The following WDR7 variants were observed in gnomAD, a reference collection of about 807,000 sequenced individuals.
WDR7 encodes WD repeat-containing protein 7.
In WDR7, 46 loss-of-function variants were observed where a neutral mutation model predicts 169.4. The observed-to-expected ratio is 0.27, with a 90% confidence interval of 0.21 to 0.35. The LOEUF is 0.35. WDR7 is among the 10% of genes least tolerant of loss of function. The pLI, the probability that WDR7 is intolerant of heterozygous loss-of-function variation, is 1.00. For missense variants in WDR7, 1,534 were observed against 1,859.3 expected (o/e 0.83, Z 3.22); for synonymous variants, 612 against 666.8 (o/e 0.92, Z 1.27).
At chr18:56,978,676 C>G (rs1003675441) in intron 26 of WDR7, among the ~76,000 whole-genome samples, 5 of 152,208 alleles carry the variant, frequency 3.3e-5, no homozygotes, top group African/African-American at 1.2e-4. Context: ...TGTAAATTCA[C>G]TGGGCATTGC....
chr18:56,797,824 A>T (rs1309359862), intron 19 of WDR7, among the ~76,000 whole-genome samples: 1 of 152,230 alleles, frequency 6.6e-6, no homozygotes, highest in Non-Finnish European at 1.5e-5. Flanking sequence ...TTGCACATAC[A>T]TGGAGCACAG....
intron 21 of WDR7, among the ~76,000 whole-genome samples, chr18:56,901,275 T>A (rs947745044): frequency 6.6e-6 from 1 of 152,190 alleles, no homozygotes; most frequent in Non-Finnish European, 1.5e-5. Flanking sequence ...TCTCTATAAA[T>A]AGTTATTATA....
intron 26 of WDR7, among the ~76,000 whole-genome samples, chr18:56,978,098 G>C (rs1341557475): frequency 1.3e-5 from 2 of 152,192 alleles, no homozygotes; most frequent in African/African-American, 4.8e-5. Context: ...ACAGCAGTTT[G>C]TCATTCATTG....
intron 17 of WDR7, among the ~76,000 whole-genome samples, chr18:56,778,385 G>T (rs1451871712): frequency 6.6e-6 from 1 of 152,112 alleles, no homozygotes; most frequent in Admixed American, 6.5e-5. Flanking sequence ...TAACATGATA[G>T]CAGACTTTTT....
chr18:56,921,235 AGGG>A (rs1348709013), intron 21 of WDR7, among the ~76,000 whole-genome samples: 1 of 152,234 alleles, frequency 6.6e-6, no homozygotes, highest in East Asian at 1.9e-4. Flanking sequence ...AGAGATAGAC[AGGG>A]AGTTTTAACA....
intron 21 of WDR7, among the ~76,000 whole-genome samples, chr18:56,903,854 T>C (rs2046439255): frequency 6.6e-6 from 1 of 152,188 alleles, no homozygotes; most frequent in African/African-American, 2.4e-5. Context: ...GAAATGAAGT[T>C]ATTTTAAAAA....
chr18:56,695,805 G>A (rs1253051133), intron 11 of WDR7, among the ~76,000 whole-genome samples: 1 of 151,988 alleles, frequency 6.6e-6, no homozygotes, highest in African/African-American at 2.4e-5. Context: ...AACAGCCAGT[G>A]GAAATCGAAT....
chr18:56,810,474 T>G (rs1044199188), intron 19 of WDR7, among the ~76,000 whole-genome samples: 1 of 152,172 alleles, frequency 6.6e-6, no homozygotes, highest in African/African-American at 2.4e-5. Context: ...CAATCACTTC[T>G]TATTGATTGG....
intron 9 of WDR7, among the ~76,000 whole-genome samples, chr18:56,693,054 G>GGGGCA (rs2025612463): frequency 6.6e-6 from 1 of 152,108 alleles, no homozygotes; most frequent in Non-Finnish European, 1.5e-5. Flanking sequence ...AACATGGCGA[G>GGGGCA]ACCCTGTCTC....
At chr18:56,727,223 C>G (rs971476879) in intron 13 of WDR7, among the ~76,000 whole-genome samples, 2 of 152,148 alleles carry the variant, frequency 1.3e-5, no homozygotes, top group African/African-American at 4.8e-5. Flanking sequence ...GTTCCTATTA[C>G]TCCATCTTGG....
At chr18:56,796,211 T>C (rs1330641615) in intron 19 of WDR7, among the ~76,000 whole-genome samples, 4 of 152,212 alleles carry the variant, frequency 2.6e-5, no homozygotes, top group African/African-American at 9.6e-5. Flanking sequence ...ATAGTGCCAC[T>C]GTAAGGGATG....
chr18:56,919,995 G>C (rs2046689705), intron 21 of WDR7, among the ~76,000 whole-genome samples: 1 of 152,010 alleles, frequency 6.6e-6, no homozygotes, highest in Admixed American at 6.6e-5. Context: ...CTTTGTCCTG[G>C]AGCTGTAATA....
chr18:56,830,356 T>A (rs182039744), intron 20 of WDR7, among the ~76,000 whole-genome samples: 64 of 152,352 alleles, frequency 4.2e-4, no homozygotes, highest in Admixed American at 2.5e-3. Context: ...TGAATTTTTT[T>A]AAAATTTGGT....
At chr18:56,720,808 G>A (rs1352223068) in intron 13 of WDR7, among the ~76,000 whole-genome samples, 1 of 151,986 alleles carries the variant, frequency 6.6e-6, no homozygotes, top group Non-Finnish European at 1.5e-5. Flanking sequence ...ATAAAATACA[G>A]CATGTAATAT....
chr18:56,852,341 T>C (rs752868492), intron 20 of WDR7, among the ~76,000 whole-genome samples: 2 of 152,148 alleles, frequency 1.3e-5, no homozygotes, highest in Non-Finnish European at 2.9e-5. Context: ...AGCTTCTGCT[T>C]TTATCAGAAT....
chr18:56,986,045 C>T (rs963172347), intron 26 of WDR7, among the ~76,000 whole-genome samples: 1 of 151,316 alleles, frequency 6.6e-6, no homozygotes, highest in Non-Finnish European at 1.5e-5. Context: ...AGAGTGTTTT[C>T]ATTAGAACAA....
At chr18:56,903,653 C>G (rs2046434974) in intron 21 of WDR7, among the ~76,000 whole-genome samples, 1 of 152,064 alleles carries the variant, frequency 6.6e-6, no homozygotes, top group Non-Finnish European at 1.5e-5. Context: ...CTCCTGACCT[C>G]AAGTGATGCG....
intron 12 of WDR7, among the ~76,000 whole-genome samples, chr18:56,702,147 G>C (rs1298233431): frequency 1.3e-5 from 2 of 152,136 alleles, no homozygotes; most frequent in Non-Finnish European, 2.9e-5. Context: ...TTGGAGTGCT[G>C]CGGCAGGAAA....
chr18:56,941,723 AC>A (rs2047037551), intron 25 of WDR7, among the ~76,000 whole-genome samples: 1 of 152,170 alleles, frequency 6.6e-6, no homozygotes, highest in Non-Finnish European at 1.5e-5. Flanking sequence ...AGCTGGGGTC[AC>A]TGTCTATGTG....
Sources: allele counts gnomAD v4.1 joint callset (sites outside exome capture counted in the v4.1 genomes callset), GRCh38; gene constraint gnomAD v4.1.1; transcripts MANE v1.5; gene names NCBI Gene and HGNC (gene_info 2026-07-23, HGNC 2026-07-21).